The following MAGI2 variants were observed in gnomAD, a reference collection of about 807,000 sequenced individuals.
The protein encoded by MAGI2 is membrane associated guanylate kinase, WW and PDZ domain containing 2, also known as membrane-associated guanylate kinase, WW and PDZ domain-containing protein 2.
In MAGI2, 35 loss-of-function variants were observed where a neutral mutation model predicts 133.3. The observed-to-expected ratio is 0.26, with a 90% CI of 0.20 to 0.35. The LOEUF (loss-of-function observed/expected upper bound fraction) is 0.35. MAGI2 is among the 10% of genes least tolerant of loss of function. MAGI2 has a pLI of 1.00. For synonymous variants in MAGI2, 729 were observed against 710.6 expected (o/e 1.03, Z -0.41); for missense variants, 1,636 against 1,863.4 (o/e 0.88, Z 2.25).
chr7:78,730,267 A>G (rs1052691858), intron 2 of MAGI2, among the ~76,000 whole-genome samples: 2 of 152,142 alleles, frequency 1.3e-5, no homozygotes, highest in African/African-American at 4.8e-5. Context: ...ATAAACCATG[A>G]TAAATACATT....
At chr7:78,678,178 G>A (rs1240934011) in intron 2 of MAGI2, among the ~76,000 whole-genome samples, 1 of 151,898 alleles carries the variant, frequency 6.6e-6, no homozygotes, top group Non-Finnish European at 1.5e-5. Context: ...AATCCAAAGG[G>A]GTTTTCATGA....
In MAGI2 at chr7:78,614,034, T is replaced by C. The variant is rs375544172; in HGVS notation, c.538+13086A>G. On this transcript the variant is annotated intron_variant, in intron 3 of 21. Coordinates refer to ENST00000354212, the MANE Select transcript of MAGI2 (RefSeq NM_012301.4). ...CTGAGGTAGGAGAATCAATTGAACCTGGGAGGCGGAGGTTGCAGTGAGCTG... is the reference window on the plus strand; with the variant it reads ...CTGAGGTAGGAGAATCAATTGAACCCGGGAGGCGGAGGTTGCAGTGAGCTG... Among the ~76,000 whole-genome samples, 525 of 151,900 alleles carry C rather than the reference T, an allele frequency of 3.5e-3. 4 individuals are homozygous for C. The highest frequency in any genetic ancestry group is 0.012 in the African/African-American group (506 of 41,442).
At chr7:79,085,431 A>T (rs1024569888) in intron 1 of MAGI2, among the ~76,000 whole-genome samples, 6 of 151,576 alleles carry the variant, frequency 4.0e-5, no homozygotes, top group African/African-American at 1.5e-4. Context: ...TTCTTTGGAC[A>T]TATTTATAAC....
At chr7:78,123,910 C>A (rs1820710346) in intron 20 of MAGI2, among the ~76,000 whole-genome samples, 1 of 152,136 alleles carries the variant, frequency 6.6e-6, no homozygotes. Flanking sequence ...ATGCTGATGC[C>A]AGGAACCGTG....
chr7:78,667,859 ATGTGTC>A (rs982212144), intron 2 of MAGI2, among the ~76,000 whole-genome samples: 11 of 152,170 alleles, frequency 7.2e-5, no homozygotes, highest in African/African-American at 2.4e-4. Context: ...ATACGTGTGC[ATGTGTC>A]TTCATAGCAG....
intron 14 of MAGI2, among the ~76,000 whole-genome samples, chr7:78,172,739 G>A (rs182800863): frequency 2.4e-3 from 361 of 152,274 alleles, no homozygotes; most frequent in Admixed American, 5.4e-3. Context: ...ACCTCCTTTA[G>A]TTGGGACCAA....
chr7:78,140,682 A>G (rs1182723559), intron 16 of MAGI2, among the ~76,000 whole-genome samples: 1 of 152,252 alleles, frequency 6.6e-6, no homozygotes, highest in Non-Finnish European at 1.5e-5. Flanking sequence ...CTTTTCTTTC[A>G]ATAATATACG....
At chr7:78,227,850 TTGTGTGTGTGTG>T (rs3085614) in intron 10 of MAGI2, among the ~76,000 whole-genome samples, 13 of 145,652 alleles carry the variant, frequency 8.9e-5, no homozygotes, top group East Asian at 4.0e-4. Flanking sequence ...TCTTACTCAG[TTGTGTGTGTGTG>T]TGTGTGTGTG....
intron 2 of MAGI2, among the ~76,000 whole-genome samples, chr7:78,952,775 C>A (rs971572105): frequency 1.3e-5 from 2 of 152,058 alleles, no homozygotes; most frequent in Non-Finnish European, 2.9e-5. Flanking sequence ...GTAAAGTTTC[C>A]TTACATGGTT....
At chr7:79,426,472 T>C (rs770386440) in intron 1 of MAGI2, among the ~76,000 whole-genome samples, 1 of 152,192 alleles carries the variant, frequency 6.6e-6, no homozygotes. Context: ...GCATCTCTAA[T>C]AGAAATTATG....
chr7:78,395,889 A>T (rs191752923), intron 6 of MAGI2, among the ~76,000 whole-genome samples: 1 of 152,338 alleles, frequency 6.6e-6, no homozygotes, highest in East Asian at 1.9e-4. Context: ...ATTATCCAAG[A>T]TCCAGAGAAA....
chr7:79,161,367 G>A (rs543790873), intron 1 of MAGI2, among the ~76,000 whole-genome samples: 25 of 152,148 alleles, frequency 1.6e-4, no homozygotes, highest in South Asian at 8.3e-4. Context: ...TGTGCTGAGC[G>A]TTTATTGGGG....
At chr7:78,242,048 A>G (rs1335291085) in intron 10 of MAGI2, among the ~76,000 whole-genome samples, 1 of 152,138 alleles carries the variant, frequency 6.6e-6, no homozygotes, top group East Asian at 1.9e-4. Context: ...CAAGGGCAGA[A>G]TGTCTACCAC....
At chr7:78,784,881 G>A (rs1052892240) in intron 2 of MAGI2, among the ~76,000 whole-genome samples, 1 of 152,074 alleles carries the variant, frequency 6.6e-6, no homozygotes, top group Non-Finnish European at 1.5e-5. Context: ...ACCCTAAGAA[G>A]GTTGAGGAAA....
chr7:78,630,326 T>C (rs1808830107), intron 2 of MAGI2, among the ~76,000 whole-genome samples: 1 of 152,104 alleles, frequency 6.6e-6, no homozygotes, highest in Non-Finnish European at 1.5e-5. Flanking sequence ...CAATCTTGTG[T>C]TTAGATTAGT....
chr7:78,161,143 A>G (rs2150612636), intron 15 of MAGI2, among the ~76,000 whole-genome samples: 1 of 152,328 alleles, frequency 6.6e-6, no homozygotes, highest in East Asian at 1.9e-4. Context: ...GTCCATCTTA[A>G]TATAAAATAC....
intron 2 of MAGI2, among the ~76,000 whole-genome samples, chr7:78,903,494 C>T (rs1456888008): frequency 3.3e-5 from 5 of 152,082 alleles, no homozygotes; most frequent in Non-Finnish European, 5.9e-5. Flanking sequence ...CGCGCCCGGC[C>T]GAGTTCCTGA....
intron 1 of MAGI2, among the ~76,000 whole-genome samples, chr7:79,213,354 A>AT (rs1384265052): frequency 3.3e-5 from 5 of 150,190 alleles, no homozygotes; most frequent in Non-Finnish European, 7.4e-5. Context: ...ACACACATAT[A>AT]TTTTTTCTTT....
At chr7:79,415,761 T>C (rs1846459177) in intron 1 of MAGI2, 3 of 152,156 alleles carry the variant, frequency 2.0e-5, no homozygotes, top group South Asian at 4.1e-4. Context: ...CTATATTATT[T>C]CTTGTTTCCT....
Sources: allele counts gnomAD v4.1 joint callset (sites outside exome capture counted in the v4.1 genomes callset), GRCh38; gene constraint gnomAD v4.1.1; transcripts MANE v1.5; gene names NCBI Gene and HGNC (gene_info 2026-07-23, HGNC 2026-07-21).